The following THRB variants were observed in gnomAD, a reference collection of about 807,000 sequenced individuals.
THRB encodes nuclear receptor subfamily 1 group A member 2.
Under a neutral mutation model 47.8 loss-of-function variants are expected in THRB, and 12 were observed. The ratio of observed to expected loss-of-function variants is 0.25; its 90% CI spans 0.16 to 0.41. THRB has a LOEUF of 0.41. THRB is among the 10% of genes least tolerant of loss of function. The probability of loss-of-function intolerance (pLI) is 1.00; values close to 1 mark genes in which losing one functional copy is unlikely to be tolerated. For synonymous variants in THRB, 218 were observed against 212.2 expected (o/e 1.03, Z -0.24); for missense variants, 348 against 589.2 (o/e 0.59, Z 4.24).
At chr3:24,216,304 G>A (rs1239957957) in intron 4 of THRB, among the ~76,000 whole-genome samples, 1 of 152,118 alleles carries the variant, frequency 6.6e-6, no homozygotes, top group Non-Finnish European at 1.5e-5. Context: ...ACTTCCATGA[G>A]TCAGATGTTA....
At chr3:24,172,954 A>G (rs1262602769) in intron 5 of THRB, among the ~76,000 whole-genome samples, 1 of 152,196 alleles carries the variant, frequency 6.6e-6, no homozygotes, top group Non-Finnish European at 1.5e-5. Context: ...AAATATGTCA[A>G]TTTCTAGGAT....
At chr3:24,457,354 T>C (rs570163291) in intron 1 of THRB, among the ~76,000 whole-genome samples, 3 of 152,258 alleles carry the variant, frequency 2.0e-5, no homozygotes, top group Admixed American at 2.0e-4. Flanking sequence ...CCATCCTTCC[T>C]AACATTCTGG....
intron 4 of THRB, among the ~76,000 whole-genome samples, chr3:24,198,035 G>A (rs541800819): frequency 6.6e-6 from 1 of 152,210 alleles, no homozygotes; most frequent in Non-Finnish European, 1.5e-5. Flanking sequence ...CTGGTCACCA[G>A]AGGGCAGGCT....
intron 5 of THRB, among the ~76,000 whole-genome samples, chr3:24,171,846 C>A (rs919888053): frequency 6.6e-6 from 1 of 152,066 alleles, no homozygotes; most frequent in African/African-American, 2.4e-5. Flanking sequence ...TAGCATGGCT[C>A]CTCCTCCCCT....
chr3:24,392,501 C>G (rs2066649688), intron 1 of THRB, among the ~76,000 whole-genome samples: 1 of 152,028 alleles, frequency 6.6e-6, no homozygotes, highest in Admixed American at 6.6e-5. Context: ...TATTTTTGCA[C>G]CCCTTAACCA....
At chr3:24,400,500 A>G (rs2067304762) in intron 1 of THRB, among the ~76,000 whole-genome samples, 1 of 152,082 alleles carries the variant, frequency 6.6e-6, no homozygotes, top group South Asian at 2.1e-4. Context: ...CATAAATGAA[A>G]CAGCAAAAGC....
At chr3:24,282,033 G>A (rs1276013233) in intron 3 of THRB, among the ~76,000 whole-genome samples, 1 of 128,500 alleles carries the variant, frequency 7.8e-6, no homozygotes, top group Non-Finnish European at 1.6e-5. Context: ...CAACGAGACA[G>A]AAAGTCAACA....
chr3:24,387,979 C>T (rs1217656789), intron 1 of THRB, among the ~76,000 whole-genome samples: 1 of 152,040 alleles, frequency 6.6e-6, no homozygotes, highest in Non-Finnish European at 1.5e-5. Flanking sequence ...TCCTTGTGTT[C>T]AGGGGCAACA....
intron 4 of THRB, among the ~76,000 whole-genome samples, chr3:24,208,762 G>C (rs2045684318): frequency 6.6e-6 from 1 of 152,156 alleles, no homozygotes; most frequent in Non-Finnish European, 1.5e-5. Context: ...GAAAACCTAG[G>C]CAATGCCATT....
intron 1 of THRB, among the ~76,000 whole-genome samples, chr3:24,481,244 T>TG (rs1696352401): frequency 2.7e-5 from 4 of 147,074 alleles, no homozygotes; most frequent in South Asian, 4.3e-4. Context: ...TTTTTTTTTT[T>TG]TTTTTTTTTT....
rs900285608 is a variant in THRB at position 24,117,463 on chromosome 3, T to C, written c.*5421A>G. 2.0e-5 allele frequency: 3 copies of C among 152,282 alleles called. No homozygotes were observed. The highest frequency in any genetic ancestry group is 7.2e-5 in the African/African-American group (3 of 41,472). 9.4% of individuals were successfully genotyped at this position (152,282 alleles called of 1,614,324 possible). A position where few individuals can be genotyped will look rare whatever the true frequency, so the allele number is the denominator to read the frequency against. ...AGGATAAGGTTGGTTATGCATCTGT[T>C]TTCCTCACCACAGTGATTGGCTCAG... On this transcript the variant is annotated 3_prime_UTR_variant, in exon 11 of 11. Coordinates refer to ENST00000646209, the MANE Select transcript of THRB (RefSeq NM_001354712.2).
chr3:24,233,560 G>GAAGAAAGAAAAGA lies in THRB; in HGVS notation c.-42-4560_-42-4559insTCTTTTCTTTCTT, dbSNP rs1553658176. On this transcript the variant is annotated intron_variant, in intron 3 of 10. Coordinates refer to ENST00000646209, the MANE Select transcript of THRB (RefSeq NM_001354712.2). The stretch of plus-strand genomic sequence containing the variant: ...GAAAGAAAGAGAAAGAAAGAAAAAG[G>GAAGAAAGAAAAGA]AAGAAAGAAAGAAAGAAAGAAAGAA... 3.4e-4 allele frequency among the ~76,000 whole-genome samples: 26 copies of GAAGAAAGAAAAGA among 77,350 alleles called. 1 individual carries two copies. Among genetic ancestry groups the GAAGAAAGAAAAGA allele is most frequent in the African/African-American group, 1.1e-3 (23 of 21,118 alleles). 50.7% of individuals were successfully genotyped at this position (77,350 alleles called of 152,430 possible).
intron 1 of THRB, among the ~76,000 whole-genome samples, chr3:24,365,759 G>C (rs1054991618): frequency 6.6e-6 from 1 of 152,148 alleles, no homozygotes; most frequent in African/African-American, 2.4e-5. Flanking sequence ...TCATCAAACA[G>C]TATACCTTAT....
In THRB at chr3:24,439,187, T is replaced by C. The variant is rs185108576; in HGVS notation, c.-261+55465A>G. Reference sequence around the variant, plus strand: ...CATGAGGTAGATGAGGTAGATGTCATTGTCTGGATGAGGTAGATGTCATTG... The same window carrying C: ...CATGAGGTAGATGAGGTAGATGTCACTGTCTGGATGAGGTAGATGTCATTG... On this transcript the variant is annotated intron_variant, in intron 1 of 10. Transcript: ENST00000646209. Among the ~76,000 whole-genome samples, 715 of 152,158 alleles carry C rather than the reference T, an allele frequency of 4.7e-3. 6 individuals are homozygous for C. The highest frequency in any genetic ancestry group is 0.016 in the African/African-American group (680 of 41,514).
chr3:24,352,728 A>G (rs2063431072), intron 1 of THRB, among the ~76,000 whole-genome samples: 2 of 152,194 alleles, frequency 1.3e-5, no homozygotes, highest in South Asian at 4.1e-4. Flanking sequence ...ATATGAATTC[A>G]ACCATATTTT....
intron 2 of THRB, among the ~76,000 whole-genome samples, chr3:24,307,154 T>C (rs2057404721): frequency 6.6e-6 from 1 of 152,100 alleles, no homozygotes; most frequent in East Asian, 1.9e-4. Flanking sequence ...CAAATTTTGA[T>C]ATCCTACACA....
At chr3:24,330,789 T>A (rs959007821) in intron 2 of THRB, among the ~76,000 whole-genome samples, 2 of 152,224 alleles carry the variant, frequency 1.3e-5, no homozygotes, top group African/African-American at 4.8e-5. Flanking sequence ...AGAGCTCACA[T>A]GAGCTTTACA....
chr3:24,365,878 T>C (rs1251271189), intron 1 of THRB, among the ~76,000 whole-genome samples: 1 of 152,160 alleles, frequency 6.6e-6, no homozygotes, highest in Non-Finnish European at 1.5e-5. Flanking sequence ...CTCCCACCAA[T>C]AATTTCAATC....
At chr3:24,266,507 C>T (rs2052663240) in intron 3 of THRB, among the ~76,000 whole-genome samples, 1 of 152,098 alleles carries the variant, frequency 6.6e-6, no homozygotes, top group Admixed American at 6.5e-5. Context: ...AAAACAGGAG[C>T]TCTTGTGTAC....
Sources: allele counts gnomAD v4.1 joint callset (sites outside exome capture counted in the v4.1 genomes callset), GRCh38; gene constraint gnomAD v4.1.1; transcripts MANE v1.5; gene names NCBI Gene and HGNC (gene_info 2026-07-23, HGNC 2026-07-21).